AP1AR: variants seen among roughly 807,000 people sequenced by gnomAD.
AP1AR encodes AP-1 complex-associated regulatory protein.
AP1AR carries 29 observed loss-of-function variants against 46.3 expected under a neutral mutation model. The ratio of observed to expected loss-of-function variants is 0.63; its 90% CI spans 0.47 to 0.85. The LOEUF is 0.85. AP1AR is among the 40% of genes least tolerant of loss of function. AP1AR has a pLI of 0.00. For synonymous variants in AP1AR, 122 were observed against 122.9 expected, an observed-to-expected ratio of 0.99 and a Z score of 0.05; for missense variants, 357 against 356.3, an observed-to-expected ratio of 1.00 and a Z score of -0.02.
chr4:112,255,930 C>T (rs1275936936), intron 3 of AP1AR, among the ~76,000 whole-genome samples: 3 of 152,206 alleles, frequency 2.0e-5, no homozygotes, highest in African/African-American at 7.2e-5. Flanking sequence ...CTCCCTGGGT[C>T]TACTTTCTAC....
At chr4:112,242,076 A>G (rs1333463337) in intron 1 of AP1AR, among the ~76,000 whole-genome samples, 1 of 152,232 alleles carries the variant, frequency 6.6e-6, no homozygotes, top group Non-Finnish European at 1.5e-5. Context: ...AGAATTTGTG[A>G]TAATTTTTCA....
intron 4 of AP1AR, among the ~76,000 whole-genome samples, chr4:112,258,723 A>G (rs1454755310): frequency 1.3e-5 from 2 of 152,216 alleles, no homozygotes; most frequent in South Asian, 2.1e-4. Context: ...TGGAAGTGTT[A>G]TGTATCTTGC....
chr4:112,265,176 C>A (rs1726648377), intron 7 of AP1AR, 109 bp downstream of exon 7: 1 of 759,038 alleles, frequency 1.3e-6, no homozygotes, highest in South Asian at 3.0e-5. Context: ...TTTATGTGTT[C>A]CCTAAAAATT....
At chr4:112,254,800 C>T in intron 3 of AP1AR, 27 bp downstream of exon 3, 2 of 1,280,318 alleles carry the variant, frequency 1.6e-6, no homozygotes, top group Non-Finnish European at 2.1e-6. Context: ...TAGTACAAAA[C>T]TTGTATTTGT....
chr4:112,268,088 T>A, intron 9 of AP1AR, 56 bp from the exon 10 acceptor site: 2 of 1,458,068 alleles, frequency 1.4e-6, no homozygotes, highest in South Asian at 1.5e-5. Context: ...TGGGAGTTTT[T>A]AAATATAGCT....
chr4:112,257,504 T>TA (rs951992134), intron 3 of AP1AR, among the ~76,000 whole-genome samples: 14 of 152,064 alleles, frequency 9.2e-5, no homozygotes, highest in Non-Finnish European at 2.1e-4. Context: ...AAATATTTGT[T>TA]AAAAAAAATT....
intron 5 of AP1AR, among the ~76,000 whole-genome samples, chr4:112,262,253 GC>G (rs1308946823): frequency 3.9e-5 from 6 of 152,226 alleles, no homozygotes; most frequent in Non-Finnish European, 5.9e-5. Context: ...GGTCAAGGCT[GC>G]AGTGTTGGTG....
intron 1 of AP1AR, among the ~76,000 whole-genome samples, chr4:112,247,444 T>C (rs1360190190): frequency 6.6e-6 from 1 of 152,132 alleles, no homozygotes; most frequent in Non-Finnish European, 1.5e-5. Context: ...CCCAGACTCT[T>C]TGTATGAATG....
In AP1AR at chr4:112,265,802, G is replaced by C; in HGVS notation, c.509G>C (p.Ser170Thr). The change falls in exon 8 of 10, where the codon AGT (serine) becomes ACT (threonine). Residue 170 changes from serine to threonine, a missense_variant. By Grantham distance (58) the Ser-to-Thr change is moderately conservative. This residue lies in a region of AP1AR where 269 missense variants were observed against 223.6 expected (regional missense o/e 1.20). Transcript: ENST00000274000. ...NMKSQYEVFR[S>T]SRLSSDATVL... is the part of the protein sequence containing the mutation. The stretch of plus-strand genomic sequence containing the variant: ...AAGTCACAGTATGAAGTTTTTCGAA[G>C]TAGTAGTAAGTTTTTTAAAGTATTT... 6.2e-7 allele frequency: 1 copy of C among 1,602,048 alleles called. No homozygotes were observed.
rs374947823 is a variant in AP1AR at position 112,237,424 on chromosome 4, C to T, written c.83+5250C>T. Among the ~76,000 whole-genome samples, 11 of 149,826 alleles carry T rather than the reference C, an allele frequency of 7.3e-5. No individual in the cohort carries two copies. In the East Asian group the frequency reaches 2.2e-3, roughly 30 times the overall value. On this transcript the variant is annotated intron_variant, in intron 1 of 9. Coordinates refer to ENST00000274000, the MANE Select transcript of AP1AR (RefSeq NM_018569.6). ...CCTGGCCAAATACAGTGTTTTCTAA[C>T]CCTGTGCCTTTGTGGGTGATATTTA... is the stretch of plus-strand genomic sequence containing the variant.
At chr4:112,250,001 T>C (rs1345540549) in intron 1 of AP1AR, among the ~76,000 whole-genome samples, 1 of 152,236 alleles carries the variant, frequency 6.6e-6, no homozygotes, top group Non-Finnish European at 1.5e-5. Flanking sequence ...TTGACAGTTG[T>C]ATTGCCAGCA....
intron 4 of AP1AR, among the ~76,000 whole-genome samples, chr4:112,259,792 G>A (rs529065784): frequency 1.3e-5 from 2 of 152,174 alleles, no homozygotes; most frequent in Non-Finnish European, 1.5e-5. Context: ...AGTCAAGAGT[G>A]TAAATGTAGT....
rs1479602199 is a variant in AP1AR at position 112,272,205 on chromosome 4, A to G, written c.*3796A>G. Among the ~76,000 whole-genome samples, 5 of 152,152 alleles carry G rather than the reference A, an allele frequency of 3.3e-5. No individual in the cohort carries two copies. The South Asian group carries it at 1.0e-3, about 32-fold the overall frequency. ...TGGAGTTATAGAAGGGTTTTTATTT[A>G]AAAGATACTAGCTTTAGAGTAGATA... On this transcript the variant is annotated 3_prime_UTR_variant, in exon 10 of 10. Coordinates refer to ENST00000274000, the MANE Select transcript of AP1AR (RefSeq NM_018569.6).
chr4:112,247,242 C>T (rs535260454), intron 1 of AP1AR, among the ~76,000 whole-genome samples: 1 of 152,270 alleles, frequency 6.6e-6, no homozygotes, highest in East Asian at 1.9e-4. Context: ...TGTCTACAGA[C>T]AACCTTATTG....
At chr4:112,263,616 C>T (rs950734843) in intron 6 of AP1AR, among the ~76,000 whole-genome samples, 18 of 151,848 alleles carry the variant, frequency 1.2e-4, no homozygotes, top group Non-Finnish European at 2.2e-4. Flanking sequence ...CTTGAGAAAT[C>T]GTTGGAATAT....
chr4:112,232,166 C>T lies in AP1AR; in HGVS notation c.75C>T (p.Gly25=), dbSNP rs1306172261. The T allele has an allele frequency of 2.4e-5, 31 of 1,282,862 alleles. No individual in the cohort carries two copies. Among genetic ancestry groups the T allele is most frequent in the Non-Finnish European group, 2.9e-5 (29 of 1,006,264 alleles). The allele number at this position is 1,282,862 out of a possible 1,614,324, so 79.5% of individuals were successfully genotyped here. The change falls in exon 1 of 10, where the codon GGC becomes GGT. Residue 25 remains glycine (G), a synonymous_variant. Coordinates refer to ENST00000274000, the MANE Select transcript of AP1AR (RefSeq NM_018569.6). ...KEAGRLQRVG[G]GGGSKYFRTC... ...CGGGGCGGCTGCAGCGAGTAGGCGG[C>T]GGCGGAGGGTAAGCCCGCTGGGGGA...
intron 1 of AP1AR, among the ~76,000 whole-genome samples, chr4:112,233,116 CAG>C (rs1455773755): frequency 6.6e-6 from 1 of 152,176 alleles, no homozygotes; most frequent in African/African-American, 2.4e-5. Flanking sequence ...CTTTCTGAAA[CAG>C]ATTGCTAATT....
chr4:112,253,336 T>C (rs1219789996), intron 2 of AP1AR, 80 bp downstream of exon 2: 1 of 1,021,124 alleles, frequency 9.8e-7, no homozygotes, highest in Non-Finnish European at 1.5e-6. Flanking sequence ...GAGGGAAAGA[T>C]CTGGACCCAA....
Position 112,266,612 on chromosome 4 carries a change from T to G in AP1AR, c.539T>G (p.Leu180Trp), listed in dbSNP as rs887281791. ...GGACTCTCATCAGATGCTACAGTTT[T>G]GACACCAAATACAGAAAGCAGTTGT... The part of the protein sequence containing the change: ...SSRLSSDATV[L>W]TPNTESSCDL... The change falls in exon 9 of 10, where the codon TTG (leucine) becomes TGG (tryptophan). Residue 180 changes from leucine (L) to tryptophan (W), a missense_variant. By Grantham distance (61) the Leu-to-Trp change is moderately conservative. Transcript: ENST00000274000. The G allele has an allele frequency of 1.9e-6, 3 of 1,610,662 alleles. No homozygotes were observed. The highest frequency in any genetic ancestry group is 2.5e-6 in the Non-Finnish European group (3 of 1,177,724).
Sources: allele counts gnomAD v4.1 joint callset (sites outside exome capture counted in the v4.1 genomes callset), GRCh38; gene constraint gnomAD v4.1.1; regional missense constraint gnomAD v4.1.1; transcripts MANE v1.5; gene names NCBI Gene and HGNC (gene_info 2026-07-23, HGNC 2026-07-21).